The following VSTM4 variants were observed in gnomAD, a reference collection of about 807,000 sequenced individuals.
The protein encoded by VSTM4 is V-set and transmembrane domain containing 4, also known as V-set and transmembrane domain-containing protein 4.
A neutral mutation model predicts 36.4 loss-of-function variants in VSTM4; 20 were observed. The observed-to-expected ratio is 0.55, with a 90% CI of 0.39 to 0.80. The LOEUF is 0.80. VSTM4 is among the 30% of genes least tolerant of loss of function. VSTM4 has a pLI of 0.00. For missense variants in VSTM4, 392 were observed against 404.5 expected (o/e 0.97, Z 0.26); for synonymous variants, 182 against 173.9 (o/e 1.05, Z -0.37).
Position 49,019,664 on chromosome 10 carries a change from C to T in VSTM4, c.949G>A (p.Glu317Lys). 2 of 1,612,414 alleles carry T rather than the reference C, an allele frequency of 1.2e-6. No homozygotes were observed. The highest frequency in any genetic ancestry group is 1.3e-5 in the African/African-American group (1 of 75,008). ...TGGACGCTGTACTACAGCTTGTTCTCCTCGAAGAGGATCTGGGCGTAGACA... is the reference window on the plus strand; with the variant it reads ...TGGACGCTGTACTACAGCTTGTTCTTCTCGAAGAGGATCTGGGCGTAGACA... Reference protein sequence around the residue: ...STVYAQILFEENKL With the variant: ...STVYAQILFEKNKL The change falls in exon 8 of 8, where the codon GAG (glutamate) becomes AAG (lysine). Residue 317 changes from glutamate (E) to lysine (K), a missense_variant. Physicochemically the swap from Glu to Lys is moderately conservative, Grantham distance 56 (BLOSUM62 1). Transcript: ENST00000332853.
intron 5 of VSTM4, among the ~76,000 whole-genome samples, chr10:49,055,601 G>T (rs551940181): frequency 1.6e-3 from 241 of 151,676 alleles, no homozygotes; most frequent in Non-Finnish European, 2.8e-3. Context: ...ATGCAAACAG[G>T]GGGAGTTTCC....
chr10:49,056,987 C>T (rs1000540417), intron 5 of VSTM4, among the ~76,000 whole-genome samples: 2 of 151,928 alleles, frequency 1.3e-5, no homozygotes, highest in African/African-American at 4.8e-5. Context: ...GAGGGGCCCG[C>T]ATATCATCCG....
intron 5 of VSTM4, among the ~76,000 whole-genome samples, chr10:49,059,103 C>T (rs566024587): frequency 3.5e-4 from 53 of 152,342 alleles, no homozygotes; most frequent in Non-Finnish European, 6.5e-4. Flanking sequence ...GCACTGGCGG[C>T]CAGTCTGGGC....
At chr10:49,105,277 G>C (rs1844757181) in intron 2 of VSTM4, among the ~76,000 whole-genome samples, 2 of 141,126 alleles carry the variant, frequency 1.4e-5, no homozygotes, top group Admixed American at 7.4e-5. Flanking sequence ...CAGAGAGACA[G>C]AGAGAGACGA....
At chr10:49,108,149 G>A (rs562294251) in intron 1 of VSTM4, among the ~76,000 whole-genome samples, 154 bp from the exon 2 acceptor site, 1 of 152,320 alleles carries the variant, frequency 6.6e-6, no homozygotes, top group South Asian at 2.1e-4. Context: ...CTCTCCAGAG[G>A]AGGGGTTCTT....
intron 2 of VSTM4, among the ~76,000 whole-genome samples, chr10:49,104,837 A>G (rs1844736780): frequency 6.6e-6 from 1 of 151,992 alleles, no homozygotes; most frequent in African/African-American, 2.4e-5. Context: ...ACACAGAGAG[A>G]GAGAGAGGGA....
intron 5 of VSTM4, chr10:49,064,145 C>A (rs577566554): frequency 2.0e-5 from 3 of 152,448 alleles, no homozygotes; most frequent in African/African-American, 7.2e-5. Flanking sequence ...TCAAAGTCTT[C>A]ATTTGGTTGT....
At chr10:49,022,514 C>G (rs533935958) in intron 7 of VSTM4, among the ~76,000 whole-genome samples, 2 of 152,102 alleles carry the variant, frequency 1.3e-5, no homozygotes, top group Admixed American at 6.5e-5. Context: ...GGGTGACTGC[C>G]AAGTGACCTA....
chr10:49,087,992 GTA>G (rs1243406971), intron 2 of VSTM4, among the ~76,000 whole-genome samples: 3 of 137,796 alleles, frequency 2.2e-5, no homozygotes, highest in Admixed American at 2.1e-4. Flanking sequence ...ATATATATGT[GTA>G]TATACACATG....
intron 1 of VSTM4, among the ~76,000 whole-genome samples, chr10:49,108,242 G>A (rs1014467124): frequency 2.0e-5 from 3 of 152,226 alleles, no homozygotes; most frequent in South Asian, 4.1e-4. Flanking sequence ...ATGACCTCCT[G>A]ACCCAGAAGT....
At chr10:49,065,669 G>T (rs1182331377) in intron 4 of VSTM4, among the ~76,000 whole-genome samples, 1 of 152,228 alleles carries the variant, frequency 6.6e-6, no homozygotes, top group Non-Finnish European at 1.5e-5. Context: ...CCCAGGTAAT[G>T]CATCAAGAGA....
At chr10:49,088,522 C>T (rs1470229675) in intron 2 of VSTM4, among the ~76,000 whole-genome samples, 1 of 152,192 alleles carries the variant, frequency 6.6e-6, no homozygotes, top group Non-Finnish European at 1.5e-5. Context: ...TTATTGTGAG[C>T]CCTGAGATTG....
intron 1 of VSTM4, among the ~76,000 whole-genome samples, chr10:49,109,355 C>T (rs990689242): frequency 1.3e-5 from 2 of 152,152 alleles, no homozygotes; most frequent in Admixed American, 6.5e-5. Context: ...GGCGGCCCTG[C>T]GGTGGGCTGG....
intron 1 of VSTM4, among the ~76,000 whole-genome samples, chr10:49,112,860 A>G (rs532008906): frequency 6.6e-6 from 1 of 152,336 alleles, no homozygotes; most frequent in Non-Finnish European, 1.5e-5. Context: ...CCTTGCTTAT[A>G]TTTGAATAAT....
chr10:49,019,970 A>C (rs1357260453), intron 7 of VSTM4, among the ~76,000 whole-genome samples, 195 bp from the exon 8 acceptor site: 1 of 152,194 alleles, frequency 6.6e-6, no homozygotes, highest in Non-Finnish European at 1.5e-5. Context: ...TCTATAGAGC[A>C]CTACGTCCTG....
chr10:49,092,813 C>A (rs1238349626), intron 2 of VSTM4, among the ~76,000 whole-genome samples: 2 of 152,182 alleles, frequency 1.3e-5, no homozygotes, highest in African/African-American at 4.8e-5. Context: ...GAAGAAGACG[C>A]AAGCGGCTTG....
At chr10:49,108,171 C>A (rs1408144703) in intron 1 of VSTM4, among the ~76,000 whole-genome samples, 176 bp from the exon 2 acceptor site, 1 of 152,144 alleles carries the variant, frequency 6.6e-6, no homozygotes, top group African/African-American at 2.4e-5. Flanking sequence ...TGGGGGTGAG[C>A]CTCTGTGGGC....
intron 4 of VSTM4, among the ~76,000 whole-genome samples, chr10:49,075,019 C>T (rs1214346441): frequency 6.6e-6 from 1 of 152,194 alleles, no homozygotes; most frequent in Non-Finnish European, 1.5e-5. Context: ...ATATGAGGTG[C>T]CTGGCCCACA....
intron 1 of VSTM4, among the ~76,000 whole-genome samples, chr10:49,109,766 G>C (rs1218705234): frequency 6.6e-6 from 1 of 152,182 alleles, no homozygotes; most frequent in East Asian, 1.9e-4. Flanking sequence ...TAGGGCTGCA[G>C]ACTAATGTGT....
Sources: gnomAD v4.1 joint callset for allele counts (sites outside exome capture counted in the v4.1 genomes callset) on GRCh38, gnomAD v4.1.1 for gene constraint, MANE v1.5 for transcripts, NCBI Gene and HGNC (gene_info 2026-07-23, HGNC 2026-07-21) for gene names.